Variants in LDLRAD4 observed in about 807,000 individuals in gnomAD.
LDLRAD4 encodes the protein low density lipoprotein receptor class A domain containing 4, also known as low-density lipoprotein receptor class A domain-containing protein 4.
In LDLRAD4, 5 loss-of-function variants were observed where a neutral mutation model predicts 17.0. The observed-to-expected ratio is 0.29, with a 90% CI of 0.15 to 0.62. The LOEUF (loss-of-function observed/expected upper bound fraction) is 0.62, where lower values mean the gene tolerates loss of function less well. LDLRAD4 is among the 20% of genes least tolerant of loss of function. The pLI is 0.84. For missense variants in LDLRAD4, 340 were observed against 424.7 expected (o/e 0.80, Z 1.75); for synonymous variants, 168 against 171.8 (o/e 0.98, Z 0.17).
intron 3 of LDLRAD4, among the ~76,000 whole-genome samples, chr18:13,596,517 A>G (rs1200158873): frequency 6.6e-6 from 1 of 152,150 alleles, no homozygotes; most frequent in Non-Finnish European, 1.5e-5. Context: ...TCTACTTAAG[A>G]TTTCCACTAA....
At chr18:13,474,314 C>T (rs1264486047) in intron 3 of LDLRAD4, among the ~76,000 whole-genome samples, 1 of 152,200 alleles carries the variant, frequency 6.6e-6, no homozygotes, top group Non-Finnish European at 1.5e-5. Flanking sequence ...GAATCCTCAA[C>T]CAGCCCAGCC....
chr18:13,335,802 A>C (rs2082075858), intron 1 of LDLRAD4, among the ~76,000 whole-genome samples: 1 of 152,224 alleles, frequency 6.6e-6, no homozygotes, highest in Non-Finnish European at 1.5e-5. Context: ...TGTGGCATAG[A>C]GTATTACTGT....
At chr18:13,625,809 C>T (rs2041106697) in intron 4 of LDLRAD4, among the ~76,000 whole-genome samples, 1 of 123,086 alleles carries the variant, frequency 8.1e-6, no homozygotes, top group South Asian at 3.0e-4. Context: ...CAGCCGGCGC[C>T]CTCCTCCCCC....
At chr18:13,482,188 G>T (rs536732575) in intron 3 of LDLRAD4, among the ~76,000 whole-genome samples, 1 of 152,260 alleles carries the variant, frequency 6.6e-6, no homozygotes, top group African/African-American at 2.4e-5. Flanking sequence ...GCAGTGCCTG[G>T]GGGCATATCA....
intron 1 of LDLRAD4, among the ~76,000 whole-genome samples, chr18:13,299,238 C>T (rs1386968616): frequency 2.6e-5 from 4 of 152,288 alleles, no homozygotes; most frequent in South Asian, 2.1e-4. Flanking sequence ...TTTTAGCAAA[C>T]GTAGTGGAGT....
chr18:13,364,008 A>G (rs1187649252), intron 1 of LDLRAD4, among the ~76,000 whole-genome samples: 1 of 152,204 alleles, frequency 6.6e-6, no homozygotes, highest in Non-Finnish European at 1.5e-5. Context: ...ATAAATTTTA[A>G]AAGTTTGGTC....
At chr18:13,455,532 A>T (rs2092081503) in intron 3 of LDLRAD4, among the ~76,000 whole-genome samples, 1 of 145,506 alleles carries the variant, frequency 6.9e-6, no homozygotes, top group South Asian at 2.1e-4. Context: ...AGGAGACACT[A>T]GGAGCAGCTC....
intron 1 of LDLRAD4, among the ~76,000 whole-genome samples, chr18:13,283,840 T>C (rs2045439128): frequency 6.6e-6 from 1 of 152,170 alleles, no homozygotes; most frequent in South Asian, 2.1e-4. Context: ...TAGGTTTAAT[T>C]GGACTTACAG....
At chr18:13,501,178 G>C (rs1027709528) in intron 3 of LDLRAD4, 2 of 152,174 alleles carry the variant, frequency 1.3e-5, no homozygotes. Flanking sequence ...CTGCTATCAT[G>C]ATTTCAGCAA....
intron 1 of LDLRAD4, among the ~76,000 whole-genome samples, chr18:13,361,047 G>A (rs2144636824): frequency 6.6e-6 from 1 of 152,306 alleles, no homozygotes; most frequent in South Asian, 2.1e-4. Flanking sequence ...AGCTTGTTGT[G>A]GGAGGGAATG....
chr18:13,559,096 C>T (rs1388150111), intron 3 of LDLRAD4, among the ~76,000 whole-genome samples: 2 of 152,206 alleles, frequency 1.3e-5, no homozygotes, highest in Non-Finnish European at 2.9e-5. Context: ...CAGGGAGTCT[C>T]GATGGATCAC....
At chr18:13,467,481 TGAAA>T (rs1184438365) in intron 3 of LDLRAD4, among the ~76,000 whole-genome samples, 1 of 152,206 alleles carries the variant, frequency 6.6e-6, no homozygotes, top group Non-Finnish European at 1.5e-5. Flanking sequence ...AAAATATTGC[TGAAA>T]GAAATTAAAG....
chr18:13,387,815 A>C (rs552624076), intron 2 of LDLRAD4, 53 bp downstream of exon 3: 1 of 1,490,188 alleles, frequency 6.7e-7, no homozygotes, highest in East Asian at 2.3e-5. Context: ...GGGAGGCAAT[A>C]AACTCCCAAA....
chr18:13,618,128 C>T (rs2040253773), intron 3 of LDLRAD4, among the ~76,000 whole-genome samples: 1 of 151,248 alleles, frequency 6.6e-6, no homozygotes, highest in South Asian at 2.1e-4. Flanking sequence ...TATGTTTGTA[C>T]TCTGTAACAG....
At chr18:13,578,766 A>G (rs1023339203) in intron 3 of LDLRAD4, among the ~76,000 whole-genome samples, 1 of 151,280 alleles carries the variant, frequency 6.6e-6, no homozygotes, top group African/African-American at 2.4e-5. Flanking sequence ...CTCAGGATAC[A>G]TACAAGAGAT....
chr18:13,562,203 T>A (rs1175901400), intron 3 of LDLRAD4, among the ~76,000 whole-genome samples: 1 of 152,212 alleles, frequency 6.6e-6, no homozygotes, highest in African/African-American at 2.4e-5. Context: ...CCTGCTTTTA[T>A]AGGTAGATGT....
intron 1 of LDLRAD4, among the ~76,000 whole-genome samples, chr18:13,246,920 A>G (rs767355840): frequency 6.6e-6 from 1 of 151,318 alleles, no homozygotes; most frequent in Non-Finnish European, 1.5e-5. Flanking sequence ...AAAATCTGCA[A>G]TGTTTTTTTA....
chr18:13,645,303 G>C lies in LDLRAD4; in HGVS notation c.567G>C (p.Leu189=), dbSNP rs562982709. The C allele has an allele frequency of 6.2e-7, 1 of 1,614,184 alleles. No individual in the cohort carries two copies. The highest frequency in any genetic ancestry group is 1.1e-5 in the South Asian group (1 of 91,082). Residue 189 remains leucine, a synonymous_variant, in exon 6 of 6, where the codon CTG becomes CTC. Transcript: ENST00000359446. The surrounding 1 kb of genome is among the most constrained non-coding windows in gnomAD (Gnocchi z 5.7). ...CTCCTTACCAGGGGCCCTGCACCCTGCAGCTCCGGGACCCTGAACAGCAGA... is the reference window on the plus strand; with the variant it reads ...CTCCTTACCAGGGGCCCTGCACCCTCCAGCTCCGGGACCCTGAACAGCAGA...
At chr18:13,643,283 T>C (rs1318879834) in intron 4 of LDLRAD4, 76 bp from the exon 6 acceptor site, 2 of 960,870 alleles carry the variant, frequency 2.1e-6, no homozygotes, top group East Asian at 3.2e-5. Context: ...GTGCTTCATG[T>C]TTTTAGGTGC....
Sources: gnomAD v4.1 joint callset for allele counts (sites outside exome capture counted in the v4.1 genomes callset) on GRCh38, gnomAD v4.1.1 for gene constraint, Gnocchi (gnomAD v3.1) non-coding constraint, MANE v1.5 for transcripts, NCBI Gene and HGNC (gene_info 2026-07-23, HGNC 2026-07-21) for gene names.